CPNE2: variants seen among roughly 807,000 people sequenced by gnomAD.
CPNE2 encodes copine 2.
Under a neutral mutation model 69.7 loss-of-function variants are expected in CPNE2, and 42 were observed. The observed-to-expected ratio is 0.60, with a 90% CI of 0.47 to 0.78. CPNE2 has a LOEUF of 0.78. CPNE2 is among the 30% of genes least tolerant of loss of function. The pLI is 0.00. For synonymous variants in CPNE2, 294 were observed against 289.8 expected, an observed-to-expected ratio of 1.01 and a Z score of -0.15; for missense variants, 587 against 732.0, an observed-to-expected ratio of 0.80 and a Z score of 2.29.
At chr16:57,127,953 G>A in intron 12 of CPNE2, 50 bp downstream of exon 12, 1 of 1,584,568 alleles carries the variant, frequency 6.3e-7, no homozygotes, top group Non-Finnish European at 8.7e-7. Flanking sequence ...GGGTTTGTGT[G>A]TGTGGCCTCT....
Position 57,147,685 on chromosome 16 carries a change from A to T in CPNE2, c.*27A>T. On this transcript the variant is annotated 3_prime_UTR_variant, in exon 16 of 16. Coordinates refer to ENST00000290776, the MANE Select transcript of CPNE2 (RefSeq NM_152727.6). ...CTCCAGTGCCCAGCAGCAGCATGTCAGCTGAGCCTCCTGCCCTCCCCCAGG... is the reference window on the plus strand; with the variant it reads ...CTCCAGTGCCCAGCAGCAGCATGTCTGCTGAGCCTCCTGCCCTCCCCCAGG... 2 of 1,514,624 alleles carry T rather than the reference A, an allele frequency of 1.3e-6. No homozygotes were observed. Among genetic ancestry groups the T allele is most frequent in the South Asian group, 1.2e-5 (1 of 83,246 alleles). The allele number at this position is 1,514,624 out of a possible 1,614,324, so 93.8% of individuals were successfully genotyped here.
At chr16:57,094,496 A>G (rs776453297) in intron 1 of CPNE2, among the ~76,000 whole-genome samples, 5 of 152,214 alleles carry the variant, frequency 3.3e-5, no homozygotes, top group Non-Finnish European at 7.3e-5. Flanking sequence ...TCTGTAAAAC[A>G]GTAAGTACTG....
At chr16:57,126,071 G>A in intron 11 of CPNE2, 78 bp downstream of exon 11, 4 of 1,560,532 alleles carry the variant, frequency 2.6e-6, no homozygotes, top group Non-Finnish European at 3.5e-6. Context: ...AAGCTAGAAG[G>A]GACCCAGAGA....
In CPNE2 at chr16:57,134,663, G is replaced by A; in HGVS notation, c.1117-112G>A. On this transcript the variant is annotated intron_variant, in intron 12 of 15. Transcript: ENST00000290776. Reference sequence around the variant, plus strand: ...CAGTGGCCTAGAGGAGGGTAGGGGTGGGGGTTATGAGCCGGTGCTCTCAAA... The same window carrying A: ...CAGTGGCCTAGAGGAGGGTAGGGGTAGGGGTTATGAGCCGGTGCTCTCAAA... 3.7e-6 allele frequency: 4 copies of A among 1,092,054 alleles called. No individual in the cohort carries two copies. The South Asian group carries it at 5.2e-5, about 14-fold the overall frequency. 67.6% of individuals were successfully genotyped at this position (1,092,054 alleles called of 1,614,324 possible).
At chr16:57,135,923 GAGAC>G (rs1210296704) in intron 13 of CPNE2, among the ~76,000 whole-genome samples, 1 of 140,468 alleles carries the variant, frequency 7.1e-6, no homozygotes, top group Non-Finnish European at 1.5e-5. Context: ...AGGAAAGAGA[GAGAC>G]AGAGAGAAAG....
Position 57,130,431 on chromosome 16 carries a change from C to G in CPNE2, c.1116+2528C>G, listed in dbSNP as rs80130162. 6.6e-6 allele frequency among the ~76,000 whole-genome samples: 1 copy of G among 151,776 alleles called. No homozygotes were observed. Among genetic ancestry groups the G allele is most frequent in the South Asian group, 2.1e-4 (1 of 4,810 alleles). On this transcript the variant is annotated intron_variant, in intron 12 of 15. Transcript: ENST00000290776. The surrounding 1 kb of genome is among the most constrained non-coding windows in gnomAD (Gnocchi z 4.1). ...GCATGAGAGAGCCAGGCAGATGAAGCGGAGACTGAGCCCGGGGGCAGAGCA... is the reference window on the plus strand; with the variant it reads ...GCATGAGAGAGCCAGGCAGATGAAGGGGAGACTGAGCCCGGGGGCAGAGCA...
chr16:57,132,902 G>A (rs759729135), intron 12 of CPNE2, among the ~76,000 whole-genome samples: 1 of 152,062 alleles, frequency 6.6e-6, no homozygotes, highest in African/African-American at 2.4e-5. Flanking sequence ...CCCCCTGACC[G>A]CAAGGCTGGG....
chr16:57,126,000 T>C lies in CPNE2; in HGVS notation c.1061+7T>C. 1 of 1,613,846 alleles carries C rather than the reference T, an allele frequency of 6.2e-7. No individual in the cohort carries two copies. The highest frequency in any genetic ancestry group is 8.5e-7 in the Non-Finnish European group (1 of 1,179,954). On this transcript the variant is annotated splice_region_variant and intron_variant, in intron 11 of 15. Coordinates refer to ENST00000290776, the MANE Select transcript of CPNE2 (RefSeq NM_152727.6). Reference sequence around the variant, plus strand: ...TCATTCAGGACTACGACAGGTAAGGTTGGAGAGGGGCTCTGAAGGTCAGCT... The same window carrying C: ...TCATTCAGGACTACGACAGGTAAGGCTGGAGAGGGGCTCTGAAGGTCAGCT...
intron 1 of CPNE2, among the ~76,000 whole-genome samples, chr16:57,101,629 G>A (rs2069614287): frequency 6.6e-6 from 1 of 152,218 alleles, no homozygotes. Flanking sequence ...GCCATCCCTG[G>A]GGTGTGGTCA....
At chr16:57,137,758 T>C (rs1321369360) in intron 14 of CPNE2, among the ~76,000 whole-genome samples, 1 of 152,142 alleles carries the variant, frequency 6.6e-6, no homozygotes, top group Non-Finnish European at 1.5e-5. Flanking sequence ...CTGCGTGGCA[T>C]CTGGAATATA....
intron 1 of CPNE2, among the ~76,000 whole-genome samples, chr16:57,100,025 G>A (rs746455280): frequency 3.2e-4 from 49 of 151,942 alleles, no homozygotes; most frequent in Non-Finnish European, 5.9e-4. Context: ...CACCTGCCTC[G>A]GCCTCTCAAA....
At chr16:57,138,472 C>T (rs2069898932) in intron 14 of CPNE2, among the ~76,000 whole-genome samples, 1 of 152,192 alleles carries the variant, frequency 6.6e-6, no homozygotes, top group African/African-American at 2.4e-5. Context: ...TGAGGCCAGC[C>T]TCTGCCTTCC....
intron 14 of CPNE2, chr16:57,142,375 C>A (rs1266154855): frequency 6.6e-6 from 1 of 152,234 alleles, no homozygotes; most frequent in Non-Finnish European, 1.5e-5. Context: ...GTGTCTCAGG[C>A]GGAGGGAACG....
chr16:57,124,418 C>T, intron 10 of CPNE2: 1 of 456,146 alleles, frequency 2.2e-6, no homozygotes. Flanking sequence ...CTTGCCGCCC[C>T]GAGATTCATA....
At chr16:57,102,286 A>AGAT (rs2069619833) in intron 1 of CPNE2, among the ~76,000 whole-genome samples, 1 of 152,118 alleles carries the variant, frequency 6.6e-6, no homozygotes. Flanking sequence ...GGAGATGCGT[A>AGAT]GGTGACCCAT....
chr16:57,127,731 T>G, intron 11 of CPNE2, 118 bp from the exon 12 acceptor site: 4 of 980,800 alleles, frequency 4.1e-6, no homozygotes, highest in Non-Finnish European at 6.3e-6. Flanking sequence ...CTAGAGGTGG[T>G]GAGCTCCTCC....
chr16:57,110,367 G>T (rs1393596585), intron 1 of CPNE2, among the ~76,000 whole-genome samples: 1 of 151,818 alleles, frequency 6.6e-6, no homozygotes, highest in Non-Finnish European at 1.5e-5. Flanking sequence ...TGGGACCACA[G>T]GCACGCACCA....
At chr16:57,095,177 A>G (rs1351314596) in intron 1 of CPNE2, among the ~76,000 whole-genome samples, 1 of 152,240 alleles carries the variant, frequency 6.6e-6, no homozygotes, top group African/African-American at 2.4e-5. Context: ...CCTGCCAGAC[A>G]CGGTGGTGTG....
intron 13 of CPNE2, among the ~76,000 whole-genome samples, chr16:57,135,028 G>A (rs2069868498): frequency 6.6e-6 from 1 of 152,168 alleles, no homozygotes; most frequent in African/African-American, 2.4e-5. Flanking sequence ...GCCCTTCCTA[G>A]CTGTGGGACC....
Sources: allele counts gnomAD v4.1 joint callset (sites outside exome capture counted in the v4.1 genomes callset), GRCh38; gene constraint gnomAD v4.1.1; non-coding constraint Gnocchi (gnomAD v3.1); transcripts MANE v1.5; gene names NCBI Gene and HGNC (gene_info 2026-07-23, HGNC 2026-07-21).